Variants in HDC observed in about 807,000 individuals in gnomAD.
HDC encodes histidine decarboxylase.
Under a neutral mutation model 64.4 loss-of-function variants are expected in HDC, and 27 were observed. The ratio of observed to expected loss-of-function variants is 0.42; its 90% confidence interval spans 0.31 to 0.58. The LOEUF (loss-of-function observed/expected upper bound fraction) is 0.58, where lower values mean the gene tolerates loss of function less well. HDC is among the 20% of genes least tolerant of loss of function. HDC has a pLI of 0.16. For synonymous variants in HDC, 305 were observed against 314.2 expected (o/e 0.97, Z 0.31); for missense variants, 711 against 833.9 (o/e 0.85, Z 1.81).
At chr15:50,257,958 G>T (rs948593285) in intron 3 of HDC, among the ~76,000 whole-genome samples, 1 of 130,194 alleles carries the variant, frequency 7.7e-6, no homozygotes, top group South Asian at 2.6e-4. Flanking sequence ...TGTTCTGGAA[G>T]GCTTTTGGCA....
At chr15:50,251,614 C>G (rs1038058042) in intron 9 of HDC, among the ~76,000 whole-genome samples, 4 of 152,100 alleles carry the variant, frequency 2.6e-5, no homozygotes, top group African/African-American at 9.7e-5. Context: ...ACTGCGGAGT[C>G]AATTTGTTAA....
chr15:50,252,501 G>A lies in HDC; in HGVS notation c.970C>T (p.Leu324=). Residue 324 remains leucine (L), a synonymous_variant, in exon 9 of 12, where the codon CTG becomes TTG. Coordinates refer to ENST00000267845, the MANE Select transcript of HDC (RefSeq NM_002112.4). The stretch of plus-strand genomic sequence containing the variant: ...GGATTCACACTGAAGGTCTGCTGCA[G>A]CTTGTACTTGTCCTTGACCCTGTGG... The part of the protein sequence containing the change: ...TGFWVKDKYK[L]QQTFSVNPIY... The A allele has an allele frequency of 6.2e-7, 1 of 1,614,210 alleles. No individual in the cohort carries two copies. Among genetic ancestry groups the A allele is most frequent in the Non-Finnish European group, 8.5e-7 (1 of 1,180,034 alleles).
chr15:50,264,984 A>C (rs569782535), intron 1 of HDC, among the ~76,000 whole-genome samples: 2 of 152,236 alleles, frequency 1.3e-5, no homozygotes, highest in Non-Finnish European at 2.9e-5. Context: ...GCTAACGCAC[A>C]CTAATTAGTG....
At position 50,248,925 on chromosome 15, in the gene HDC, G is replaced by A. The variant is rs1422994439; in HGVS notation, c.1042-582C>T. ...GGCAAGTGGTGTGAGGACAAAGAAC[G>A]CCAAGAGCCTCAGAAGAAGTTGTCA... On this transcript the variant is annotated intron_variant, in intron 9 of 11. Transcript: ENST00000267845. The surrounding 1 kb of genome is among the most constrained non-coding windows in gnomAD (Gnocchi z 4.3). Among the ~76,000 whole-genome samples, 4 of 152,170 alleles carry A rather than the reference G, an allele frequency of 2.6e-5. No individual in the cohort carries two copies. The highest frequency in any genetic ancestry group is 1.3e-4 in the Admixed American group (2 of 15,280).
Position 50,242,365 on chromosome 15 carries a change from A to G in HDC, c.1884T>C (p.Ser628=). ...FPEDMMMLKK[S]AFKKLIKFYS... ...AGAATTTGATGAGTTTTTTGAAGGC[A>G]CTTTTCTTCAGCATCATCATGTCTT... is the stretch of plus-strand genomic sequence containing the variant. The change falls in exon 12 of 12, where the codon AGT becomes AGC. Residue 628 remains serine (S), a synonymous_variant. Coordinates refer to ENST00000267845, the MANE Select transcript of HDC (RefSeq NM_002112.4). 1 of 1,614,170 alleles carries G rather than the reference A, an allele frequency of 6.2e-7. No individual in the cohort carries two copies. The highest frequency in any genetic ancestry group is 1.6e-4 in the Middle Eastern group (1 of 6,062).
At position 50,265,698 on chromosome 15, in the gene HDC, G is replaced by A. The variant is rs891675471; in HGVS notation, c.-75C>T. ...AGGCGTGAAAGGCGTGGAGCAGCCCGGCTTCCCTCTTGCCAGTCCTGCGCA... is the reference window on the plus strand; with the variant it reads ...AGGCGTGAAAGGCGTGGAGCAGCCCAGCTTCCCTCTTGCCAGTCCTGCGCA... On this transcript the variant is annotated 5_prime_UTR_variant, in exon 1 of 12. Coordinates refer to ENST00000267845, the MANE Select transcript of HDC (RefSeq NM_002112.4). 10 of 1,432,382 alleles carry A rather than the reference G, an allele frequency of 7.0e-6. No individual in the cohort carries two copies. Among genetic ancestry groups the A allele is most frequent in the East Asian group, 6.8e-5 (3 of 44,024 alleles). The allele number at this position is 1,432,382 out of a possible 1,614,324, so 88.7% of individuals were successfully genotyped here. A position where few individuals can be genotyped will look rare whatever the true frequency, so the allele number is the denominator to read the frequency against.
At chr15:50,244,247 C>A (rs2045445805) in intron 10 of HDC, among the ~76,000 whole-genome samples, 1 of 148,674 alleles carries the variant, frequency 6.7e-6, no homozygotes, top group Non-Finnish European at 1.5e-5. Context: ...ATACTTACTG[C>A]TCTATTTCAA....
intron 6 of HDC, 103 bp from the exon 7 acceptor site, chr15:50,253,769 C>T (rs2045589541): frequency 1.1e-6 from 1 of 884,012 alleles, no homozygotes; most frequent in Non-Finnish European, 1.9e-6. Context: ...CCATCCATCC[C>T]ACCAGAACAG....
rs2045576304 is a variant in HDC at position 50,252,820 on chromosome 15, G to A, written c.788-46C>T. On this transcript the variant is annotated intron_variant, in intron 7 of 11. Transcript: ENST00000267845. ...TGGCCGGAGGGGAGGTATGAAGTGG[G>A]GAAAGATGTCTCGCACCTGGCCAAG... 3.8e-6 allele frequency: 6 copies of A among 1,574,288 alleles called. No individual in the cohort carries two copies. The East Asian group carries it at 1.2e-4, about 30-fold the overall frequency.
rs555893320 is a variant in HDC at position 50,264,016 on chromosome 15, C to T, written c.32-609G>A. On this transcript the variant is annotated intron_variant, in intron 1 of 11. Coordinates refer to ENST00000267845, the MANE Select transcript of HDC (RefSeq NM_002112.4). ...CTTCAATTTTGATTGTCTCTCCTAC[C>T]TTTCTTTCCTTCTCAGAAACAGAAC... 5.3e-5 allele frequency among the ~76,000 whole-genome samples: 8 copies of T among 152,216 alleles called. No homozygotes were observed. The East Asian group carries it at 1.4e-3, about 26-fold the overall frequency.
chr15:50,258,864 A>C (rs963932358), intron 2 of HDC, among the ~76,000 whole-genome samples: 1 of 152,122 alleles, frequency 6.6e-6, no homozygotes, highest in African/African-American at 2.4e-5. Flanking sequence ...CTGCCCAGCA[A>C]TAAAAGGAAG....
rs372779026 is a variant in HDC at position 50,242,293 on chromosome 15, C to G, written c.1956G>C (p.Gln652His). The G allele has an allele frequency of 7.4e-6, 12 of 1,614,072 alleles. 1 individual carries two copies. The South Asian group carries it at 8.8e-5, about 12-fold the overall frequency. ...FPECSSQCGL[Q>H]LPCCPLQAMV ...TGGCCTGCAGAGGGCAACAGGGCAGCTGGAGTCCACATTGAGAGCTGCATT... is the reference window on the plus strand; with the variant it reads ...TGGCCTGCAGAGGGCAACAGGGCAGGTGGAGTCCACATTGAGAGCTGCATT... Residue 652 changes from glutamine to histidine, a missense_variant, in exon 12 of 12, where the codon CAG becomes CAC. Coordinates refer to ENST00000267845, the MANE Select transcript of HDC (RefSeq NM_002112.4).
intron 10 of HDC, among the ~76,000 whole-genome samples, chr15:50,247,658 A>T (rs1165710130): frequency 6.6e-6 from 1 of 152,200 alleles, no homozygotes; most frequent in African/African-American, 2.4e-5. Context: ...CATGGGAGAG[A>T]GGCTGCACCT....
At chr15:50,256,982 C>A (rs2045641051) in intron 4 of HDC, among the ~76,000 whole-genome samples, 1 of 152,132 alleles carries the variant, frequency 6.6e-6, no homozygotes, top group African/African-American at 2.4e-5. Flanking sequence ...TGACAAGTAT[C>A]CAGAAGATAG....
At position 50,248,444 on chromosome 15, in the gene HDC, A is replaced by G. The variant is rs545506077; in HGVS notation, c.1042-101T>C. ...CTGTTGCCTGCCCAGCCCTCCAGGG[A>G]TGGACGATGTCACCATGACTCTGGG... On this transcript the variant is annotated intron_variant, in intron 9 of 11. Transcript: ENST00000267845. This position sits in a 1 kb window ranked among gnomAD's most constrained non-coding sequence, Gnocchi z 4.3. 1.4e-4 allele frequency: 112 copies of G among 785,822 alleles called. 1 individual carries two copies. In the East Asian group the frequency reaches 2.3e-3, roughly 16 times the overall value. The allele number at this position is 785,822 out of a possible 1,614,324, so 48.7% of individuals were successfully genotyped here.
intron 1 of HDC, 92 bp from the exon 2 acceptor site, chr15:50,263,499 G>T: frequency 7.9e-7 from 1 of 1,266,280 alleles, no homozygotes; most frequent in Non-Finnish European, 1.1e-6. Context: ...CAAGAGACTT[G>T]GTAAAGAAGG....
At chr15:50,255,986 C>T (rs911164929) in intron 4 of HDC, among the ~76,000 whole-genome samples, 3 of 152,160 alleles carry the variant, frequency 2.0e-5, no homozygotes, top group Admixed American at 1.3e-4. Flanking sequence ...ACATGGCTGA[C>T]GATACAGGAG....
intron 2 of HDC, among the ~76,000 whole-genome samples, chr15:50,262,516 A>G (rs1351436812): frequency 6.6e-6 from 1 of 152,158 alleles, no homozygotes; most frequent in East Asian, 1.9e-4. Context: ...AGGGGTGTCC[A>G]CCACCCATCA....
chr15:50,259,481 C>T lies in HDC; in HGVS notation c.205-964G>A, dbSNP rs1021434389. Among the ~76,000 whole-genome samples the T allele has an allele frequency of 2.6e-5, 4 of 152,184 alleles. No individual in the cohort carries two copies. In the South Asian group the frequency reaches 8.3e-4, roughly 32 times the overall value. On this transcript the variant is annotated intron_variant, in intron 2 of 11. Transcript: ENST00000267845. ...GGGCAGGAAGGGCCCCCCATCAGAA[C>T]TCAGAAGCAGCCCTGGTGGTTCATC...
Sources: gnomAD v4.1 joint callset for allele counts (sites outside exome capture counted in the v4.1 genomes callset) on GRCh38, gnomAD v4.1.1 for gene constraint, Gnocchi (gnomAD v3.1) non-coding constraint, MANE v1.5 for transcripts, NCBI Gene and HGNC (gene_info 2026-07-23, HGNC 2026-07-21) for gene names.